SEC14L2: variants seen among roughly 807,000 people sequenced by gnomAD.
SEC14L2 encodes SEC14-like protein 2.
A neutral mutation model predicts 56.9 loss-of-function variants in SEC14L2; 50 were observed. The ratio of observed to expected loss-of-function variants is 0.88; its 90% confidence interval spans 0.70 to 1.11. SEC14L2 has a LOEUF of 1.11. Among genes scored for constraint, SEC14L2 ranks in the 50% most tolerant of loss-of-function variants. The pLI is 0.00. For synonymous variants in SEC14L2, 179 were observed against 188.5 expected (o/e 0.95, Z 0.41); for missense variants, 414 against 500.7 (o/e 0.83, Z 1.65).
chr22:30,415,414 C>T (rs1934361203), intron 8 of SEC14L2, among the ~76,000 whole-genome samples: 1 of 152,192 alleles, frequency 6.6e-6, no homozygotes, highest in Non-Finnish European at 1.5e-5. Flanking sequence ...GCCTAGGCAA[C>T]AGGGTGAGAC....
Position 30,397,443 on chromosome 22 carries a change from G to A in SEC14L2, c.54+273G>A, listed in dbSNP as rs540217202. 32 of 462,160 alleles carry A rather than the reference G, an allele frequency of 6.9e-5. No individual in the cohort carries two copies. The East Asian group carries it at 1.1e-3, about 16-fold the overall frequency. The allele number at this position is 462,160 out of a possible 1,614,324, so 28.6% of individuals were successfully genotyped here. A position where few individuals can be genotyped will look rare whatever the true frequency, so the allele number is the denominator to read the frequency against. ...GACAAGTGGTTGCTTGTGAGTCCCC[G>A]GAGGCCGCTGAGGGCACAAAGGCAA... On this transcript the variant is annotated intron_variant, in intron 1 of 11. Transcript: ENST00000615189.
Position 30,422,335 on chromosome 22 carries a change from T to C in SEC14L2, c.1140T>C (p.Thr380=), listed in dbSNP as rs1162360126. The part of the protein sequence containing the change: ...SFIHAKKVNF[T]VEVLLPDKAS... The stretch of plus-strand genomic sequence containing the variant: ...TTCATGCCAAGAAGGTCAATTTCAC[T>C]GTGGAGGTCCTGCTTCCAGACAAAG... Residue 380 remains threonine, a synonymous_variant, in exon 12 of 12, where the codon ACT becomes ACC. Transcript: ENST00000615189. 1.2e-6 allele frequency: 2 copies of C among 1,614,100 alleles called. No homozygotes were observed. Among genetic ancestry groups the C allele is most frequent in the Non-Finnish European group, 1.7e-6 (2 of 1,180,028 alleles).
Position 30,409,275 on chromosome 22 carries a change from A to G in SEC14L2, c.512A>G (p.Tyr171Cys). The change falls in exon 6 of 12, where the codon TAT becomes TGT. Residue 171 changes from tyrosine (Y) to cysteine (C), a missense_variant. By Grantham distance (194) the Tyr-to-Cys change is radical. Transcript: ENST00000615189. ...CTCTGGAAGCCTGCTGTGGAGGCCT[A>G]TGGAGAGGTGAGGGGCAGGGGTGGG... ...KHLWKPAVEAYGEFLCMFEEN... is the reference protein window; with the variant it reads ...KHLWKPAVEACGEFLCMFEEN... The G allele has an allele frequency of 7.1e-7, 1 of 1,398,964 alleles. No individual in the cohort carries two copies. The highest frequency in any genetic ancestry group is 9.9e-7 in the Non-Finnish European group (1 of 1,012,514). 86.7% of individuals were successfully genotyped at this position (1,398,964 alleles called of 1,614,324 possible).
At chr22:30,401,190 T>G (rs758636540) in intron 2 of SEC14L2, among the ~76,000 whole-genome samples, 25 of 88,654 alleles carry the variant, frequency 2.8e-4, no homozygotes, top group Middle Eastern at 6.3e-3. Flanking sequence ...TCAAGTGATT[T>G]ATTTATTTAT....
chr22:30,409,148 G>A lies in SEC14L2; in HGVS notation c.424-39G>A, dbSNP rs764933526. ...GGACTGGAACGGGCTTCTGAAGTAG[G>A]ACAGCCTGACAAGACTTCCTGCTCT... On this transcript the variant is annotated intron_variant, in intron 5 of 11. Coordinates refer to ENST00000615189, the MANE Select transcript of SEC14L2 (RefSeq NM_012429.5). 1.2e-5 allele frequency: 19 copies of A among 1,576,332 alleles called. No homozygotes were observed. In the African/African-American group the frequency reaches 2.0e-4, roughly 17 times the overall value.
intron 7 of SEC14L2, among the ~76,000 whole-genome samples, chr22:30,409,960 GGC>G (rs902801529): frequency 2.0e-5 from 3 of 152,128 alleles, no homozygotes; most frequent in African/African-American, 7.2e-5. Context: ...CACTTTGGGA[GGC>G]TGAGGTGGGC....
intron 11 of SEC14L2, chr22:30,421,575 A>G (rs985990065): frequency 6.6e-6 from 1 of 152,230 alleles, no homozygotes; most frequent in Non-Finnish European, 1.5e-5. Flanking sequence ...ATCTCTTATT[A>G]TTACAAATAG....
chr22:30,409,456 G>C lies in SEC14L2; in HGVS notation c.550G>C (p.Glu184Gln). Reference protein sequence around the residue: ...FLCMFEENYPETLKRLFVVKA... With the variant: ...FLCMFEENYPQTLKRLFVVKA... ...CTGCATGTTTGAGGAAAATTATCCCGAAACACTGAAGCGTCTTTTTGTTGT... is the reference window on the plus strand; with the variant it reads ...CTGCATGTTTGAGGAAAATTATCCCCAAACACTGAAGCGTCTTTTTGTTGT... The change falls in exon 7 of 12, where the codon GAA becomes CAA. Residue 184 changes from glutamate to glutamine, a missense_variant. By Grantham distance (29) the Glu-to-Gln change is conservative (BLOSUM62 2). Coordinates refer to ENST00000615189, the MANE Select transcript of SEC14L2 (RefSeq NM_012429.5). 1 of 1,614,178 alleles carries C rather than the reference G, an allele frequency of 6.2e-7. No homozygotes were observed. The highest frequency in any genetic ancestry group is 8.5e-7 in the Non-Finnish European group (1 of 1,180,020).
rs556390128 is a variant in SEC14L2 at position 30,423,568 on chromosome 22, C to G, written c.*1161C>G. The G allele has an allele frequency of 6.6e-6, 1 of 152,426 alleles. No homozygotes were observed. Among genetic ancestry groups the G allele is most frequent in the South Asian group, 2.1e-4 (1 of 4,834 alleles). The allele number at this position is 152,426 out of a possible 1,614,324, so 9.4% of individuals were successfully genotyped here. A position where few individuals can be genotyped will look rare whatever the true frequency, so the allele number is the denominator to read the frequency against. On this transcript the variant is annotated 3_prime_UTR_variant, in exon 12 of 12. Coordinates refer to ENST00000615189, the MANE Select transcript of SEC14L2 (RefSeq NM_012429.5). The stretch of plus-strand genomic sequence containing the variant: ...CAGCCCTTACCCCAATCCCACGAGC[C>G]CCGCCAACGAACCACAGGTGCTGGG...
rs762852504 is a variant in SEC14L2 at position 30,422,383 on chromosome 22, G to A, written c.1188G>A (p.Gln396=). 1.2e-6 allele frequency: 2 copies of A among 1,614,220 alleles called. No homozygotes were observed. The highest frequency in any genetic ancestry group is 1.7e-6 in the Non-Finnish European group (2 of 1,180,026). The change falls in exon 12 of 12, where the codon CAG becomes CAA. Residue 396 remains glutamine, a synonymous_variant. Transcript: ENST00000615189. ...PDKASEEKMK[Q]LGAGTPK is the part of the protein sequence containing the mutation. Reference sequence around the variant, plus strand: ...AAGCCTCAGAAGAGAAGATGAAACAGCTGGGGGCAGGCACCCCGAAATAAC... The same window carrying A: ...AAGCCTCAGAAGAGAAGATGAAACAACTGGGGGCAGGCACCCCGAAATAAC...
intron 7 of SEC14L2, among the ~76,000 whole-genome samples, chr22:30,410,225 T>C (rs1056216200): frequency 6.6e-6 from 1 of 152,228 alleles, no homozygotes; most frequent in Non-Finnish European, 1.5e-5. Flanking sequence ...ATTGTGCCAC[T>C]GCACTCCAGC....
chr22:30,415,831 C>A lies in SEC14L2; in HGVS notation c.737C>A (p.Thr246Asn), dbSNP rs1232425492. The change falls in exon 9 of 12, where the codon ACT (threonine) becomes AAT (asparagine). Residue 246 changes from threonine (T) to asparagine (N), a missense_variant. By Grantham distance (65) the Thr-to-Asn change is moderately conservative (BLOSUM62 0). Coordinates refer to ENST00000615189, the MANE Select transcript of SEC14L2 (RefSeq NM_012429.5). Reference protein sequence around the residue: ...QVPVEYGGTMTDPDGNPKCKS... With the variant: ...QVPVEYGGTMNDPDGNPKCKS... ...CCTGTGGAGTATGGGGGCACCATGA[C>A]TGACCCTGATGGAAACCCCAAGTGC... 2 of 1,614,142 alleles carry A rather than the reference C, an allele frequency of 1.2e-6. No homozygotes were observed. The highest frequency in any genetic ancestry group is 1.7e-6 in the Non-Finnish European group (2 of 1,180,028).
chr22:30,399,605 G>A (rs1461674472), intron 1 of SEC14L2, 38 bp from the exon 2 acceptor site: 3 of 1,561,778 alleles, frequency 1.9e-6, no homozygotes, highest in Non-Finnish European at 2.6e-6. Context: ...AGCAGTCAGG[G>A]CGGGCCCTAC....
intron 11 of SEC14L2, among the ~76,000 whole-genome samples, chr22:30,419,491 C>G (rs1051804818): frequency 1.3e-5 from 2 of 152,174 alleles, no homozygotes; most frequent in Non-Finnish European, 2.9e-5. Context: ...TGCAGTAAGC[C>G]AAGATTGCAC....
Position 30,424,684 on chromosome 22 carries a change from C to T in SEC14L2, c.*2277C>T. ...TTTTTTGCAGACGTGGGAACTGGGGCTCAGGGAGGCTAACAGCCAGTAGGC... is the reference window on the plus strand; with the variant it reads ...TTTTTTGCAGACGTGGGAACTGGGGTTCAGGGAGGCTAACAGCCAGTAGGC... On this transcript the variant is annotated 3_prime_UTR_variant, in exon 12 of 12. Coordinates refer to ENST00000615189, the MANE Select transcript of SEC14L2 (RefSeq NM_012429.5). The T allele has an allele frequency of 2.2e-6, 1 of 456,220 alleles. No individual in the cohort carries two copies. 28.3% of individuals were successfully genotyped at this position (456,220 alleles called of 1,614,324 possible).
chr22:30,411,405 T>C (rs1349207599), intron 8 of SEC14L2, among the ~76,000 whole-genome samples: 1 of 152,050 alleles, frequency 6.6e-6, no homozygotes, highest in East Asian at 1.9e-4. Flanking sequence ...GACAAGCACA[T>C]AGTATGTGCC....
intron 11 of SEC14L2, among the ~76,000 whole-genome samples, chr22:30,417,561 A>AC (rs1934419078): frequency 1.5e-5 from 1 of 66,368 alleles, no homozygotes; most frequent in Non-Finnish European, 3.0e-5. Flanking sequence ...GGACTGCTAC[A>AC]CTGGGGTATC....
chr22:30,406,957 G>C (rs1601776036), intron 3 of SEC14L2, 138 bp from the exon 4 acceptor site: 17 of 697,412 alleles, frequency 2.4e-5, no homozygotes, highest in Middle Eastern at 3.6e-4. Context: ...TTGCCATGTT[G>C]GCCAGGCTGG....
At chr22:30,416,119 G>A (rs1236916994) in intron 10 of SEC14L2, 32 bp downstream of exon 10, 2 of 1,613,436 alleles carry the variant, frequency 1.2e-6, no homozygotes, top group Non-Finnish European at 1.7e-6. Flanking sequence ...GGAGACCCGA[G>A]CTTTCATCTA....
Sources: allele counts gnomAD v4.1 joint callset (sites outside exome capture counted in the v4.1 genomes callset), GRCh38; gene constraint gnomAD v4.1.1; transcripts MANE v1.5; gene names NCBI Gene and HGNC (gene_info 2026-07-23, HGNC 2026-07-21).